The following TBX19 variants were observed in gnomAD, a reference collection of about 807,000 sequenced individuals.
TBX19 encodes the protein T-box transcription factor 19, also known as T-box transcription factor TBX19.
In TBX19, 33 loss-of-function variants were observed where a neutral mutation model predicts 40.9. The observed-to-expected ratio is 0.81, with a 90% CI of 0.61 to 1.08. The LOEUF (loss-of-function observed/expected upper bound fraction) is 1.08. TBX19 is among the 50% of genes least tolerant of loss of function. The pLI, the probability that TBX19 is intolerant of heterozygous loss-of-function variation, is 0.00. For missense variants in TBX19, 494 were observed against 574.0 expected (o/e 0.86, Z 1.42); for synonymous variants, 220 against 225.0 (o/e 0.98, Z 0.20).
intron 6 of TBX19, chr1:168,308,502 T>C (rs1186521945): frequency 1.9e-6 from 1 of 525,652 alleles, no homozygotes; most frequent in Non-Finnish European, 3.4e-6. Flanking sequence ...GGCGTATCTA[T>C]AAGATGGAGT....
chr1:168,286,815 A>G (rs1281826315), intron 1 of TBX19, among the ~76,000 whole-genome samples: 1 of 152,206 alleles, frequency 6.6e-6, no homozygotes, highest in Admixed American at 6.5e-5. Flanking sequence ...GTATTTTCCA[A>G]AGTGGCTGCA....
intron 3 of TBX19, among the ~76,000 whole-genome samples, chr1:168,294,099 T>C (rs1440218172): frequency 6.6e-6 from 1 of 152,180 alleles, no homozygotes; most frequent in African/African-American, 2.4e-5. Context: ...TCTATGTATA[T>C]GTAAATATAT....
chr1:168,288,104 T>G (rs12136634), intron 1 of TBX19, among the ~76,000 whole-genome samples: 79,183 of 151,832 alleles, frequency 0.52, 21,930 homozygotes, highest in Non-Finnish European at 0.64. Context: ...CAGAGGATTG[T>G]TTCCAGGCCC....
intron 7 of TBX19, among the ~76,000 whole-genome samples, chr1:168,310,614 G>A (rs1054823388): frequency 6.6e-6 from 1 of 150,444 alleles, no homozygotes; most frequent in African/African-American, 2.4e-5. Flanking sequence ...ACTCACATAG[G>A]ATTTTGAAGA....
At chr1:168,298,023 C>T (rs1420476701) in intron 4 of TBX19, among the ~76,000 whole-genome samples, 6 of 151,956 alleles carry the variant, frequency 3.9e-5, no homozygotes. Flanking sequence ...GGTGAAACCC[C>T]GTCTCTACTA....
intron 1 of TBX19, among the ~76,000 whole-genome samples, chr1:168,283,029 T>C (rs1648702170): frequency 1.3e-5 from 2 of 152,222 alleles, no homozygotes; most frequent in Non-Finnish European, 2.9e-5. Flanking sequence ...TATGTAATTT[T>C]CCCCTATATT....
intron 7 of TBX19, 72 bp from the exon 8 acceptor site, chr1:168,312,636 T>C (rs944776769): frequency 2.1e-5 from 32 of 1,553,232 alleles, no homozygotes; most frequent in Non-Finnish European, 2.7e-5. Context: ...ACTGTGTACA[T>C]GCTTGTCAGG....
intron 1 of TBX19, among the ~76,000 whole-genome samples, chr1:168,287,617 T>TA (rs71661387): frequency 0.086 from 13,086 of 152,222 alleles, 1,043 homozygotes; most frequent in African/African-American, 0.21. Context: ...TCTTACATGT[T>TA]AAGAAACAAC....
intron 4 of TBX19, 152 bp from the exon 5 acceptor site, chr1:168,300,270 G>A (rs955565685): frequency 2.6e-6 from 2 of 758,484 alleles, no homozygotes; most frequent in African/African-American, 1.7e-5. Context: ...CCGAAGGAAG[G>A]AGAATGGGGA....
intron 5 of TBX19, among the ~76,000 whole-genome samples, chr1:168,303,348 A>T (rs1399818516): frequency 6.6e-6 from 1 of 152,160 alleles, no homozygotes; most frequent in East Asian, 1.9e-4. Context: ...ACCTTCATCC[A>T]TGTCCCTACA....
Position 168,291,166 on chromosome 1 carries a change from G to A in TBX19, c.210G>A (p.Met70Ile). ...TTTCTGCCTTTCCTTTTAGACGGAT[G>A]TTTCCAGTCCTAAAGATTAGTGTCA... ...EMIVTKNGRR[M>I]FPVLKISVTG... is the part of the protein sequence containing the mutation. Residue 70 changes from methionine (M) to isoleucine (I), a missense_variant, in exon 2 of 8, where the codon ATG (methionine) becomes ATA (isoleucine). By Grantham distance (10) the Met-to-Ile change is conservative (BLOSUM62 1). Coordinates refer to ENST00000367821, the MANE Select transcript of TBX19 (RefSeq NM_005149.3). 1 of 1,614,084 alleles carries A rather than the reference G, an allele frequency of 6.2e-7. No individual in the cohort carries two copies.
chr1:168,312,482 C>A (rs1649548767), intron 7 of TBX19, among the ~76,000 whole-genome samples: 1 of 152,218 alleles, frequency 6.6e-6, no homozygotes, highest in African/African-American at 2.4e-5. Flanking sequence ...GTGGCCGGGC[C>A]AGTACCAGAA....
chr1:168,285,332 ATAG>A (rs1372913162), intron 1 of TBX19, among the ~76,000 whole-genome samples: 16 of 151,946 alleles, frequency 1.1e-4, no homozygotes, highest in Admixed American at 3.9e-4. Context: ...TATTTGATAA[ATAG>A]TAGAGTTTTG....
chr1:168,281,095 C>T lies in TBX19; in HGVS notation c.5C>T (p.Ala2Val). 1.2e-6 allele frequency: 2 copies of T among 1,614,072 alleles called. No homozygotes were observed. The highest frequency in any genetic ancestry group is 1.7e-6 in the Non-Finnish European group (2 of 1,179,984). The change falls in exon 1 of 8, where the codon GCC becomes GTC. Residue 2 changes from alanine (A) to valine (V), a missense_variant. Ala to Val is a moderately conservative substitution (Grantham distance 64, BLOSUM62 0). Around this residue, in one of 3 missense-constraint regions of TBX19, gnomAD observed 201 missense variants for 235.2 expected, o/e 0.85. Transcript: ENST00000367821. Reference sequence around the variant, plus strand: ...GGCAAAGTTCGAGAAGTGCCTATGGCCATGAGTGAGCTGGGCACTCGGAAG... The same window carrying T: ...GGCAAAGTTCGAGAAGTGCCTATGGTCATGAGTGAGCTGGGCACTCGGAAG... The part of the protein sequence containing the change: M[A>V]MSELGTRKPS...
rs796611117 is a variant in TBX19 at position 168,295,787 on chromosome 1, A to G, written c.604-1937A>G. Among the ~76,000 whole-genome samples the G allele has an allele frequency of 1.3e-5, 2 of 151,926 alleles. 1 individual carries two copies. Among genetic ancestry groups the G allele is most frequent in the South Asian group, 4.2e-4 (2 of 4,816 alleles). On this transcript the variant is annotated intron_variant, in intron 3 of 7. Transcript: ENST00000367821. ...GTGGGGGGTGCATGTGGAATTGGAG[A>G]CCATGTCCTAACCTCCTCTGGTCTC... is the stretch of plus-strand genomic sequence containing the variant.
intron 1 of TBX19, among the ~76,000 whole-genome samples, chr1:168,281,796 C>T (rs900682613): frequency 5.3e-5 from 8 of 152,100 alleles, no homozygotes; most frequent in East Asian, 1.9e-4. Flanking sequence ...TCTGCTTCCC[C>T]GTGTGTGTTT....
chr1:168,308,985 TCTTGA>T lies in TBX19; in HGVS notation c.1052+112_1052+116del, dbSNP rs1443686822. The T allele has an allele frequency of 2.3e-5, 34 of 1,491,020 alleles. No homozygotes were observed. The African/African-American group carries it at 4.1e-4, about 18-fold the overall frequency. 92.4% of individuals were successfully genotyped at this position (1,491,020 alleles called of 1,614,324 possible). On this transcript the variant is annotated intron_variant, in intron 7 of 7. Coordinates refer to ENST00000367821, the MANE Select transcript of TBX19 (RefSeq NM_005149.3). Reference sequence around the variant, plus strand: ...TAGGGTGGCTTGGTCTAACCTATTGTCTTGACTTCTAAAACACTAAGAAGTCAAGG... The same window carrying T: ...TAGGGTGGCTTGGTCTAACCTATTGTCTTCTAAAACACTAAGAAGTCAAGG...
chr1:168,292,678 T>C (rs924641801), intron 2 of TBX19, among the ~76,000 whole-genome samples: 10 of 151,910 alleles, frequency 6.6e-5, no homozygotes, highest in Admixed American at 2.0e-4. Context: ...TCCTGGCTAA[T>C]GTGGTGAAAC....
chr1:168,290,055 G>C (rs780639996), intron 1 of TBX19, among the ~76,000 whole-genome samples: 19 of 152,058 alleles, frequency 1.2e-4, no homozygotes, highest in Non-Finnish European at 7.4e-5. Flanking sequence ...TTAGCCAGGC[G>C]TGGTGGCACA....
Sources: gnomAD v4.1 joint callset for allele counts (sites outside exome capture counted in the v4.1 genomes callset) on GRCh38, gnomAD v4.1.1 for gene constraint, gnomAD v4.1.1 regional missense constraint, MANE v1.5 for transcripts, NCBI Gene and HGNC (gene_info 2026-07-23, HGNC 2026-07-21) for gene names.